LRRC38: variants seen among roughly 807,000 people sequenced by gnomAD.
The protein encoded by LRRC38 is leucine rich repeat containing 38.
LRRC38 carries 5 observed loss-of-function variants against 16.4 expected under a neutral mutation model. The ratio of observed to expected loss-of-function variants is 0.31; its 90% confidence interval spans 0.16 to 0.64. The LOEUF (loss-of-function observed/expected upper bound fraction) is 0.64, where lower values mean the gene tolerates loss of function less well. Ranked by LOEUF, LRRC38 falls within the 30% of genes least tolerant of loss-of-function variation. The pLI, the probability that LRRC38 is intolerant of heterozygous loss-of-function variation, is 0.80. For missense variants in LRRC38, 341 were observed against 401.8 expected, an observed-to-expected ratio of 0.85 and a Z score of 1.29; for synonymous variants, 191 against 190.2, an observed-to-expected ratio of 1.00 and a Z score of -0.04.
chr1:13,486,321 C>A (rs1259442977), intron 1 of LRRC38, among the ~76,000 whole-genome samples: 1 of 152,168 alleles, frequency 6.6e-6, no homozygotes, highest in East Asian at 1.9e-4. Context: ...CAGTCCTACC[C>A]TCAGTCCAGG....
At chr1:13,476,695 G>A (rs946459019) in intron 1 of LRRC38, among the ~76,000 whole-genome samples, 1 of 152,232 alleles carries the variant, frequency 6.6e-6, no homozygotes, top group East Asian at 1.9e-4. Flanking sequence ...TATCTGTTTC[G>A]GGTTTAGGAC....
At chr1:13,488,327 GGT>G (rs1276139879) in intron 1 of LRRC38, among the ~76,000 whole-genome samples, 1 of 150,400 alleles carries the variant, frequency 6.6e-6, no homozygotes, top group African/African-American at 2.5e-5. Flanking sequence ...GGAGTATAGT[GGT>G]GGTGGGATCT....
intron 1 of LRRC38, among the ~76,000 whole-genome samples, chr1:13,492,283 T>A (rs186689943): frequency 6.6e-6 from 1 of 152,378 alleles, no homozygotes; most frequent in Admixed American, 6.5e-5. Context: ...GTAATGCATG[T>A]CAGAATTCCC....
chr1:13,476,502 T>C (rs1268848354), intron 1 of LRRC38, among the ~76,000 whole-genome samples: 1 of 152,162 alleles, frequency 6.6e-6, no homozygotes, highest in Admixed American at 6.5e-5. Flanking sequence ...CTAATTTTAG[T>C]ATTTTTAGTA....
chr1:13,496,868 C>A (rs1460329348), intron 1 of LRRC38, among the ~76,000 whole-genome samples: 1 of 152,018 alleles, frequency 6.6e-6, no homozygotes, highest in East Asian at 1.9e-4. Flanking sequence ...TGGTGGGGTG[C>A]AGGGTTCAAT....
At chr1:13,498,217 G>A (rs1372168568) in intron 1 of LRRC38, among the ~76,000 whole-genome samples, 2 of 148,954 alleles carry the variant, frequency 1.3e-5, no homozygotes, top group Non-Finnish European at 3.0e-5. Flanking sequence ...AAGCAGAGAC[G>A]ACCCCCAACC....
intron 1 of LRRC38, among the ~76,000 whole-genome samples, chr1:13,479,618 G>A (rs900953731): frequency 2.6e-5 from 4 of 152,184 alleles, no homozygotes; most frequent in African/African-American, 7.2e-5. Context: ...GAAAAACGGT[G>A]CACACAAGCC....
intron 1 of LRRC38, among the ~76,000 whole-genome samples, chr1:13,509,448 G>A (rs1339135707): frequency 6.6e-6 from 1 of 152,070 alleles, no homozygotes; most frequent in East Asian, 1.9e-4. Flanking sequence ...CAAGCCTCAT[G>A]CCCACTGGCC....
chr1:13,475,598 C>T lies in LRRC38; in HGVS notation c.*248G>A, dbSNP rs923854563. 4.0e-6 allele frequency: 2 copies of T among 502,868 alleles called. No homozygotes were observed. Among genetic ancestry groups the T allele is most frequent in the South Asian group, 2.8e-5 (1 of 36,344 alleles). The allele number at this position is 502,868 out of a possible 1,614,324, so 31.2% of individuals were successfully genotyped here. On this transcript the variant is annotated 3_prime_UTR_variant, in exon 2 of 2. Coordinates refer to ENST00000376085, the MANE Select transcript of LRRC38 (RefSeq NM_001010847.2). This position sits in a 1 kb window ranked among gnomAD's most constrained non-coding sequence, Gnocchi z 4.3. ...TCATCTTCTCCCCCAACACACACCT[C>T]GATCTGAGAGGCAGGTTATGCTCCA...
At position 13,485,963 on chromosome 1, in the gene LRRC38, C is replaced by T. The variant is rs927971345; in HGVS notation, c.632-9864G>A. Among the ~76,000 whole-genome samples the T allele has an allele frequency of 5.9e-5, 9 of 152,230 alleles. No homozygotes were observed. In the East Asian group the frequency reaches 7.7e-4, roughly 13 times the overall value. ...TCTTTCTTTTTTTGAGACGGAGTCT[C>T]GCTCTGTCACCCTCACCCAGGCTGG... is the stretch of plus-strand genomic sequence containing the variant. On this transcript the variant is annotated intron_variant, in intron 1 of 1. Transcript: ENST00000376085.
At chr1:13,490,437 G>C (rs897208818) in intron 1 of LRRC38, among the ~76,000 whole-genome samples, 10 of 152,178 alleles carry the variant, frequency 6.6e-5, no homozygotes, top group Non-Finnish European at 1.2e-4. Flanking sequence ...GGGATTACAG[G>C]CGTGAGCCAC....
rs901752055 is a variant in LRRC38, at chr1:13,513,264, G to A, written c.330C>T (p.Asp110=). The part of the protein sequence containing the change: ...FSGSAKLVFL[D]LSYNNLTQLG... ...GCTGGGTCAAGTTGTTGTAGCTGAG[G>A]TCGAGGAACACGAGCTTGGCCGAGC... is the stretch of plus-strand genomic sequence containing the variant. Residue 110 remains aspartate, a synonymous_variant, in exon 1 of 2, where the codon GAC becomes GAT. Coordinates refer to ENST00000376085, the MANE Select transcript of LRRC38 (RefSeq NM_001010847.2). 45 of 1,550,576 alleles carry A rather than the reference G, an allele frequency of 2.9e-5. No individual in the cohort carries two copies. The African/African-American group carries it at 5.1e-4, about 17-fold the overall frequency.
intron 1 of LRRC38, among the ~76,000 whole-genome samples, chr1:13,507,153 C>T (rs535494672): frequency 4.6e-5 from 7 of 152,202 alleles, no homozygotes; most frequent in Non-Finnish European, 8.8e-5. Context: ...GCAGACCCCT[C>T]GGTGAGGTTA....
intron 1 of LRRC38, among the ~76,000 whole-genome samples, chr1:13,505,988 C>T (rs1315835385): frequency 8.3e-6 from 1 of 120,666 alleles, no homozygotes; most frequent in African/African-American, 3.2e-5. Flanking sequence ...ATGGGAGCCA[C>T]TGGAAGGTTT....
chr1:13,479,217 C>G (rs1329273739), intron 1 of LRRC38, among the ~76,000 whole-genome samples: 1 of 152,026 alleles, frequency 6.6e-6, no homozygotes, highest in Non-Finnish European at 1.5e-5. Context: ...ATCAATCAAC[C>G]TGCCTCCTAA....
Position 13,513,304 on chromosome 1 carries a change from T to C in LRRC38, c.290A>G (p.Glu97Gly). ...CTTGGCCGAGCCGCTGAACGTGCCC[T>C]CCTCCAGCGAGCGCAGCGAGTTGTT... is the stretch of plus-strand genomic sequence containing the variant. ...FRNNSLRSLE[E>G]GTFSGSAKLV... Residue 97 changes from glutamate to glycine, a missense_variant, in exon 1 of 2, where the codon GAG (glutamate) becomes GGG (glycine). Transcript: ENST00000376085. The C allele has an allele frequency of 1.3e-6, 2 of 1,550,220 alleles. No individual in the cohort carries two copies. Among genetic ancestry groups the C allele is most frequent in the Non-Finnish European group, 1.7e-6 (2 of 1,146,866 alleles).
In LRRC38 at chr1:13,513,262, A is replaced by T; in HGVS notation, c.332T>A (p.Leu111His). 6.4e-7 allele frequency: 1 copy of T among 1,550,476 alleles called. No individual in the cohort carries two copies. Among genetic ancestry groups the T allele is most frequent in the Non-Finnish European group, 8.7e-7 (1 of 1,146,952 alleles). Reference sequence around the variant, plus strand: ...CAGCTGGGTCAAGTTGTTGTAGCTGAGGTCGAGGAACACGAGCTTGGCCGA... The same window carrying T: ...CAGCTGGGTCAAGTTGTTGTAGCTGTGGTCGAGGAACACGAGCTTGGCCGA... ...SGSAKLVFLD[L>H]SYNNLTQLGA... The change falls in exon 1 of 2, where the codon CTC (leucine) becomes CAC (histidine). Residue 111 changes from leucine (L) to histidine (H), a missense_variant. Coordinates refer to ENST00000376085, the MANE Select transcript of LRRC38 (RefSeq NM_001010847.2).
At chr1:13,496,438 C>G (rs999034218) in intron 1 of LRRC38, among the ~76,000 whole-genome samples, 2 of 152,142 alleles carry the variant, frequency 1.3e-5, no homozygotes, top group African/African-American at 4.8e-5. Flanking sequence ...CTCCCAAGTG[C>G]TGGGATTACA....
chr1:13,492,196 A>C (rs1639021620), intron 1 of LRRC38, among the ~76,000 whole-genome samples: 1 of 152,210 alleles, frequency 6.6e-6, no homozygotes, highest in Admixed American at 6.5e-5. Context: ...TACTGCGTAC[A>C]AGTGAAATCA....
Sources: allele counts gnomAD v4.1 joint callset (sites outside exome capture counted in the v4.1 genomes callset), GRCh38; gene constraint gnomAD v4.1.1; non-coding constraint Gnocchi (gnomAD v3.1); transcripts MANE v1.5; gene names NCBI Gene and HGNC (gene_info 2026-07-23, HGNC 2026-07-21).